The following UBA6 variants were observed in gnomAD, a reference collection of about 807,000 sequenced individuals.
The protein encoded by UBA6 is ubiquitin like modifier activating enzyme 6.
UBA6 carries 87 observed loss-of-function variants against 148.3 expected under a neutral mutation model. That is an observed-to-expected ratio of 0.59 (90% CI 0.49 to 0.70). UBA6 has a LOEUF of 0.70. Among genes scored for constraint, UBA6 ranks in the 30% least tolerant of loss-of-function variants. The pLI is 0.00. For synonymous variants in UBA6, 376 were observed against 401.0 expected (o/e 0.94, Z 0.75); for missense variants, 1,186 against 1,241.2 (o/e 0.96, Z 0.67).
chr4:67,684,045 C>T (rs1483610202), intron 2 of UBA6, among the ~76,000 whole-genome samples: 1 of 152,162 alleles, frequency 6.6e-6, no homozygotes, highest in Non-Finnish European at 1.5e-5. Context: ...CCACTGCACT[C>T]CAGCTTGGGC....
At chr4:67,699,525 C>T (rs896001038) in intron 1 of UBA6, among the ~76,000 whole-genome samples, 1 of 148,788 alleles carries the variant, frequency 6.7e-6, no homozygotes, top group Non-Finnish European at 1.5e-5. Context: ...AGATCACCTA[C>T]CTAATAAAAA....
intron 32 of UBA6, among the ~76,000 whole-genome samples, chr4:67,621,673 G>A (rs1442777819): frequency 2.0e-5 from 3 of 151,970 alleles, no homozygotes; most frequent in African/African-American, 7.3e-5. Flanking sequence ...TGTGGTGTTG[G>A]GTGCCTGTCA....
intron 23 of UBA6, among the ~76,000 whole-genome samples, chr4:67,632,916 C>T (rs1000972020): frequency 4.6e-5 from 7 of 152,028 alleles, no homozygotes; most frequent in African/African-American, 2.4e-5. Flanking sequence ...CACATTCCAG[C>T]AACTATATTT....
intron 9 of UBA6, among the ~76,000 whole-genome samples, chr4:67,666,528 C>T (rs1208042940): frequency 2.6e-5 from 4 of 151,982 alleles, no homozygotes; most frequent in African/African-American, 2.4e-5. Context: ...AACATATACA[C>T]ACATATATAT....
At chr4:67,627,650 T>C (rs965788588) in intron 27 of UBA6, among the ~76,000 whole-genome samples, 2 of 151,848 alleles carry the variant, frequency 1.3e-5, no homozygotes, top group Admixed American at 6.6e-5. Context: ...CATTGTGTTC[T>C]GCAAATCCAT....
At chr4:67,675,758 AG>A (rs1290866624) in intron 6 of UBA6, among the ~76,000 whole-genome samples, 3 of 144,502 alleles carry the variant, frequency 2.1e-5, no homozygotes, top group Non-Finnish European at 4.6e-5. Context: ...GAAAGAGGAA[AG>A]AAGAAAGGAA....
At chr4:67,663,998 A>T in intron 10 of UBA6, 51 bp from the exon 11 acceptor site, 1 of 1,413,510 alleles carries the variant, frequency 7.1e-7, no homozygotes, top group Non-Finnish European at 9.9e-7. Context: ...TGATTATTTG[A>T]CAAAATATAC....
chr4:67,662,041 T>C (rs1729870984), intron 13 of UBA6, 148 bp downstream of exon 13: 1 of 624,822 alleles, frequency 1.6e-6, no homozygotes, highest in Non-Finnish European at 2.7e-6. Flanking sequence ...TTTTATAGAT[T>C]TATAAATTAA....
chr4:67,675,764 A>C (rs2109944680), intron 6 of UBA6, among the ~76,000 whole-genome samples: 1 of 141,420 alleles, frequency 7.1e-6, no homozygotes, highest in Middle Eastern at 3.7e-3. Context: ...GGAAAGAAGA[A>C]AGGAAAGGAA....
Position 67,700,530 on chromosome 4 carries a change from C to CT in UBA6, c.71+518dup, listed in dbSNP as rs113286394. On this transcript the variant is annotated intron_variant, in intron 1 of 32. Transcript: ENST00000322244. Reference sequence around the variant, plus strand: ...TAACTTGTGTATTTTTTTTTCCTGGCTTTTTTTTTTTCCTTCTTCCGAAGT... The same window carrying CT: ...TAACTTGTGTATTTTTTTTTCCTGGCTTTTTTTTTTTTCCTTCTTCCGAAGT... Among the ~76,000 whole-genome samples the CT allele has an allele frequency of 6.4e-3, 795 of 124,046 alleles. 9 individuals carry two copies. The highest frequency in any genetic ancestry group is 0.021 in the African/African-American group (726 of 34,132). 81.4% of individuals were successfully genotyped at this position (124,046 alleles called of 152,430 possible).
At chr4:67,666,420 T>C (rs997712192) in intron 9 of UBA6, among the ~76,000 whole-genome samples, 8 of 151,028 alleles carry the variant, frequency 5.3e-5, no homozygotes, top group Non-Finnish European at 8.8e-5. Flanking sequence ...ACATATAAAG[T>C]AGACAGAATG....
At chr4:67,622,655 C>G (rs559223381) in intron 32 of UBA6, among the ~76,000 whole-genome samples, 176 bp downstream of exon 32, 28 of 152,320 alleles carry the variant, frequency 1.8e-4, no homozygotes, top group African/African-American at 6.3e-4. Context: ...AGAGCTGAAT[C>G]TCTCGAGAGG....
At chr4:67,660,938 C>G (rs1729835561) in intron 13 of UBA6, among the ~76,000 whole-genome samples, 1 of 152,178 alleles carries the variant, frequency 6.6e-6, no homozygotes, top group African/African-American at 2.4e-5. Flanking sequence ...CAAAGAAGAT[C>G]ATTTTGGAAC....
chr4:67,625,325 A>T, intron 28 of UBA6, 138 bp from the exon 29 acceptor site: 2 of 654,390 alleles, frequency 3.1e-6, no homozygotes, highest in Non-Finnish European at 4.6e-6. Flanking sequence ...AGAAAAATTC[A>T]GGCAACTAAT....
Position 67,615,961 on chromosome 4 carries a change from A to G in UBA6, c.*3036T>C, listed in dbSNP as rs1728617436. ...TTCTGAACTGCTGTCAATATATTCTACTAAGCTGAGTGCTAGTTATATAGT... is the reference window on the plus strand; with the variant it reads ...TTCTGAACTGCTGTCAATATATTCTGCTAAGCTGAGTGCTAGTTATATAGT... On this transcript the variant is annotated 3_prime_UTR_variant, in exon 33 of 33. Coordinates refer to ENST00000322244, the MANE Select transcript of UBA6 (RefSeq NM_018227.6). 2.8e-6 allele frequency: 1 copy of G among 358,006 alleles called. No individual in the cohort carries two copies. 22.2% of individuals were successfully genotyped at this position (358,006 alleles called of 1,614,324 possible). A position where few individuals can be genotyped will look rare whatever the true frequency, so the allele number is the denominator to read the frequency against.
At chr4:67,695,193 A>C (rs1240113402) in intron 2 of UBA6, among the ~76,000 whole-genome samples, 1 of 152,206 alleles carries the variant, frequency 6.6e-6, no homozygotes, top group East Asian at 1.9e-4. Context: ...ACATGACCAA[A>C]AGGACATTAA....
chr4:67,647,976 T>C (rs1293523342), intron 14 of UBA6, among the ~76,000 whole-genome samples: 1 of 151,302 alleles, frequency 6.6e-6, no homozygotes, highest in Non-Finnish European at 1.5e-5. Context: ...GGTTTCACCA[T>C]GTTAGCCAGG....
At chr4:67,623,322 G>A (rs745837845) in intron 30 of UBA6, 100 bp from the exon 31 acceptor site, 9 of 763,366 alleles carry the variant, frequency 1.2e-5, no homozygotes, top group Non-Finnish European at 2.0e-5. Flanking sequence ...TCCATTATTT[G>A]TGATCAGGCT....
At position 67,637,052 on chromosome 4, in the gene UBA6, T is replaced by TGGGAG. The variant is rs544853997; in HGVS notation, c.1737-1499_1737-1495dup. Among the ~76,000 whole-genome samples the TGGGAG allele has an allele frequency of 2.9e-4, 43 of 150,360 alleles. No individual in the cohort carries two copies. In the South Asian group the frequency reaches 8.9e-3, roughly 31 times the overall value. On this transcript the variant is annotated intron_variant, in intron 19 of 32. Coordinates refer to ENST00000322244, the MANE Select transcript of UBA6 (RefSeq NM_018227.6). Reference sequence around the variant, plus strand: ...GCCTCTGCCCGGCCGCGACCCTGTCTGGGAGGTGAGGAGCGTCTCTGCCCT... The same window carrying TGGGAG: ...GCCTCTGCCCGGCCGCGACCCTGTCTGGGAGGGGAGGTGAGGAGCGTCTCTGCCCT...
Sources: gnomAD v4.1 joint callset for allele counts (sites outside exome capture counted in the v4.1 genomes callset) on GRCh38, gnomAD v4.1.1 for gene constraint, MANE v1.5 for transcripts, NCBI Gene and HGNC (gene_info 2026-07-23, HGNC 2026-07-21) for gene names.